Variants in CLGN observed in about 807,000 individuals in gnomAD.
CLGN encodes testis tissue sperm-binding protein Li 79P.
A neutral mutation model predicts 79.1 loss-of-function variants in CLGN; 62 were observed. The ratio of observed to expected loss-of-function variants is 0.78; its 90% CI spans 0.64 to 0.97. The LOEUF is 0.97. Ranked by LOEUF, CLGN falls within the 50% of genes least tolerant of loss-of-function variation. The probability of loss-of-function intolerance (pLI) is 0.00; values close to 1 mark genes in which losing one functional copy is unlikely to be tolerated. For missense variants in CLGN, 647 were observed against 715.5 expected (o/e 0.90, Z 1.09); for synonymous variants, 225 against 224.7 (o/e 1.00, Z -0.01).
At chr4:140,410,808 A>G (rs562503656) in intron 2 of CLGN, among the ~76,000 whole-genome samples, 182 bp from the exon 3 acceptor site, 16 of 152,146 alleles carry the variant, frequency 1.1e-4, no homozygotes, top group South Asian at 4.1e-4. Flanking sequence ...AAAATATAAC[A>G]AATACCATGA....
intron 1 of CLGN, chr4:140,426,791 T>C (rs1729575546): frequency 6.6e-6 from 1 of 152,280 alleles, no homozygotes; most frequent in Non-Finnish European, 1.5e-5. Context: ...GCAGATGCTA[T>C]AAATAAAATC....
At chr4:140,413,892 C>T (rs1248524416) in intron 1 of CLGN, among the ~76,000 whole-genome samples, 3 of 152,260 alleles carry the variant, frequency 2.0e-5, no homozygotes, top group Non-Finnish European at 4.4e-5. Context: ...GTAGGCTCCA[C>T]CTCTGGGGGC....
At position 140,401,332 on chromosome 4, in the gene CLGN, A is replaced by T. The variant is rs1728995927; in HGVS notation, c.501+653T>A. Among the ~76,000 whole-genome samples the T allele has an allele frequency of 2.0e-5, 3 of 152,240 alleles. No homozygotes were observed. In the South Asian group the frequency reaches 6.2e-4, roughly 32 times the overall value. On this transcript the variant is annotated intron_variant, in intron 6 of 14. Coordinates refer to ENST00000325617, the MANE Select transcript of CLGN (RefSeq NM_004362.3). Reference sequence around the variant, plus strand: ...ACTCCAATGGCCTCTCCTTCACTTGATCCTAATAATAATGAGTAGTACATG... The same window carrying T: ...ACTCCAATGGCCTCTCCTTCACTTGTTCCTAATAATAATGAGTAGTACATG...
intron 1 of CLGN, among the ~76,000 whole-genome samples, chr4:140,420,320 AG>A (rs1729439248): frequency 6.6e-6 from 1 of 152,138 alleles, no homozygotes; most frequent in Non-Finnish European, 1.5e-5. Context: ...CCAATGCTTC[AG>A]AAAACAGTTC....
At chr4:140,417,376 A>C (rs1729361946) in intron 1 of CLGN, among the ~76,000 whole-genome samples, 1 of 145,198 alleles carries the variant, frequency 6.9e-6, no homozygotes, top group Non-Finnish European at 1.5e-5. Context: ...GAAGGAAATA[A>C]ATGGTATTCA....
Position 140,392,631 on chromosome 4 carries a change from C to A in CLGN, c.1446G>T (p.Val482=). The change falls in exon 12 of 15, where the codon GTG becomes GTT. Residue 482 remains valine (V), a synonymous_variant. Coordinates refer to ENST00000325617, the MANE Select transcript of CLGN (RefSeq NM_004362.3). ...LWLIYLVTAG[V]PIALITSFCW... ...AAAATGAAGTAATTAATGCTATTGG[C>A]ACTCCTGCTGTCACAAGATAAATCA... 6.2e-7 allele frequency: 1 copy of A among 1,610,692 alleles called. No individual in the cohort carries two copies. Among genetic ancestry groups the A allele is most frequent in the Non-Finnish European group, 8.5e-7 (1 of 1,178,746 alleles).
intron 8 of CLGN, among the ~76,000 whole-genome samples, chr4:140,397,188 A>G (rs952095418): frequency 1.3e-5 from 2 of 151,846 alleles, no homozygotes; most frequent in African/African-American, 2.4e-5. Flanking sequence ...GTTACACTCC[A>G]CTTCCGGTTC....
Position 140,389,093 on chromosome 4 carries a change from A to C in CLGN, c.*131T>G. On this transcript the variant is annotated 3_prime_UTR_variant, in exon 15 of 15. Coordinates refer to ENST00000325617, the MANE Select transcript of CLGN (RefSeq NM_004362.3). ...CCTCTGAAATGAAGGACTAAAATAAATGTCTGAAAGAATATAATGTTGCTA... is the reference window on the plus strand; with the variant it reads ...CCTCTGAAATGAAGGACTAAAATAACTGTCTGAAAGAATATAATGTTGCTA... The C allele has an allele frequency of 1.5e-6, 1 of 668,302 alleles. No homozygotes were observed. Among genetic ancestry groups the C allele is most frequent in the Non-Finnish European group, 2.5e-6 (1 of 396,452 alleles). The allele number at this position is 668,302 out of a possible 1,614,324, so 41.4% of individuals were successfully genotyped here.
chr4:140,397,480 A>G (rs927074389), intron 8 of CLGN, among the ~76,000 whole-genome samples: 6 of 151,758 alleles, frequency 4.0e-5, no homozygotes, highest in Admixed American at 3.3e-4. Flanking sequence ...GCAATATACA[A>G]ATCATTTATT....
rs189999122 is a variant in CLGN at position 140,410,747 on chromosome 4, C to A, written c.145-121G>T. On this transcript the variant is annotated intron_variant, in intron 2 of 14. Transcript: ENST00000325617. ...TACAGGTAATACAGATATGAGGTGACAAACTCAAATAGGATACAAAACTTT... is the reference window on the plus strand; with the variant it reads ...TACAGGTAATACAGATATGAGGTGAAAAACTCAAATAGGATACAAAACTTT... The A allele has an allele frequency of 3.9e-5, 24 of 617,948 alleles. No homozygotes were observed. In the Admixed American group the frequency reaches 6.7e-4, roughly 17 times the overall value. The allele number at this position is 617,948 out of a possible 1,614,324, so 38.3% of individuals were successfully genotyped here. A position where few individuals can be genotyped will look rare whatever the true frequency, so the allele number is the denominator to read the frequency against.
At chr4:140,423,556 G>A (rs1729509889) in intron 1 of CLGN, among the ~76,000 whole-genome samples, 1 of 152,214 alleles carries the variant, frequency 6.6e-6, no homozygotes, top group African/African-American at 2.4e-5. Flanking sequence ...GAATCTGGAA[G>A]TGTTTACTCC....
chr4:140,414,159 C>G (rs1258355059), intron 1 of CLGN, among the ~76,000 whole-genome samples: 1 of 152,304 alleles, frequency 6.6e-6, no homozygotes, highest in East Asian at 1.9e-4. Context: ...AGAAGGAAAA[C>G]TAACAAACAG....
At chr4:140,421,722 G>A (rs75391677) in intron 1 of CLGN, among the ~76,000 whole-genome samples, 2,072 of 152,130 alleles carry the variant, frequency 0.014, 18 homozygotes, top group South Asian at 0.039. Context: ...ATATATGATT[G>A]GCAAATATTT....
At chr4:140,399,577 A>G (rs1461729148) in intron 7 of CLGN, among the ~76,000 whole-genome samples, 1 of 152,220 alleles carries the variant, frequency 6.6e-6, no homozygotes, top group Non-Finnish European at 1.5e-5. Flanking sequence ...GACAAAATGA[A>G]TGTTTCTACC....
intron 4 of CLGN, among the ~76,000 whole-genome samples, chr4:140,407,721 G>C (rs1729135089): frequency 6.6e-6 from 1 of 151,998 alleles, no homozygotes; most frequent in Non-Finnish European, 1.5e-5. Flanking sequence ...CATGCTCATG[G>C]ATTGGAAGAA....
intron 6 of CLGN, among the ~76,000 whole-genome samples, chr4:140,401,309 T>C (rs1275603502): frequency 6.6e-5 from 10 of 152,132 alleles, no homozygotes; most frequent in Non-Finnish European, 8.8e-5. Flanking sequence ...CAACATATAC[T>C]CCAATGGCCT....
chr4:140,396,360 C>A (rs913039993), intron 8 of CLGN, among the ~76,000 whole-genome samples, 155 bp from the exon 9 acceptor site: 1 of 152,130 alleles, frequency 6.6e-6, no homozygotes, highest in African/African-American at 2.4e-5. Context: ...TGCTAACTTG[C>A]CAATTTTTGG....
chr4:140,400,275 G>C lies in CLGN; in HGVS notation c.694+82C>G, dbSNP rs1043824292. On this transcript the variant is annotated intron_variant, in intron 7 of 14. Coordinates refer to ENST00000325617, the MANE Select transcript of CLGN (RefSeq NM_004362.3). ...CTCCTTCAGGATGGGGTACACATTT[G>C]TTTTCTTGTAAAGCACTTGCCATGA... is the stretch of plus-strand genomic sequence containing the variant. 13 of 1,016,142 alleles carry C rather than the reference G, an allele frequency of 1.3e-5. No individual in the cohort carries two copies. The Admixed American group carries it at 3.1e-4, about 24-fold the overall frequency. 62.9% of individuals were successfully genotyped at this position (1,016,142 alleles called of 1,614,324 possible).
intron 1 of CLGN, among the ~76,000 whole-genome samples, chr4:140,414,476 T>C (rs963363438): frequency 1.3e-5 from 2 of 151,314 alleles, no homozygotes; most frequent in African/African-American, 4.9e-5. Context: ...AATGTATAAC[T>C]AGAATAACCA....
Sources: gnomAD v4.1 joint callset for allele counts (sites outside exome capture counted in the v4.1 genomes callset) on GRCh38, gnomAD v4.1.1 for gene constraint, MANE v1.5 for transcripts, NCBI Gene and HGNC (gene_info 2026-07-23, HGNC 2026-07-21) for gene names.